SH3KBP1: variants seen among roughly 807,000 people sequenced by gnomAD.
SH3KBP1 encodes SH3 domain-containing kinase-binding protein 1.
Under a neutral mutation model 50.1 loss-of-function variants are expected in SH3KBP1, and 8 were observed. The ratio of observed to expected loss-of-function variants is 0.16; its 90% confidence interval spans 0.09 to 0.29. The LOEUF (loss-of-function observed/expected upper bound fraction) is 0.29. Ranked by LOEUF, SH3KBP1 falls within the 10% of genes least tolerant of loss-of-function variation. The pLI is 1.00. For missense variants in SH3KBP1, 377 were observed against 535.2 expected, an observed-to-expected ratio of 0.70 and a Z score of 2.92; for synonymous variants, 227 against 218.6, an observed-to-expected ratio of 1.04 and a Z score of -0.34.
chrX:19,753,034 TTC>T (rs1286898476), intron 2 of SH3KBP1, among the ~76,000 whole-genome samples: 1 of 111,782 alleles, frequency 8.9e-6, no homozygotes, highest in Non-Finnish European at 1.9e-5. Flanking sequence ...CTTGCCAGAT[TTC>T]TCTCTCTCCT....
At chrX:19,565,445 A>G (rs2065816591) in intron 13 of SH3KBP1, among the ~76,000 whole-genome samples, 1 of 111,676 alleles carries the variant, frequency 9.0e-6, no homozygotes, top group Non-Finnish European at 1.9e-5. Flanking sequence ...CTGTAAAAAC[A>G]TGAGTCATTA....
chrX:19,690,295 T>G (rs928423495), intron 5 of SH3KBP1, among the ~76,000 whole-genome samples: 7 of 111,031 alleles, frequency 6.3e-5, no homozygotes, highest in African/African-American at 2.3e-4. Context: ...TGGGTTCAAG[T>G]GATCCTCCCA....
chrX:19,820,860 C>CT (rs778340461), intron 2 of SH3KBP1, among the ~76,000 whole-genome samples: 41 of 110,976 alleles, frequency 3.7e-4, no homozygotes, highest in Admixed American at 3.5e-3. Context: ...TACAGTTATA[C>CT]TTTTAGTGAT....
At chrX:19,629,767 G>A (rs1278599022) in intron 8 of SH3KBP1, among the ~76,000 whole-genome samples, 1 of 112,396 alleles carries the variant, frequency 8.9e-6, no homozygotes, top group African/African-American at 3.2e-5. Context: ...CAGCAGAGAT[G>A]ACAACGTCAT....
intron 13 of SH3KBP1, among the ~76,000 whole-genome samples, chrX:19,557,795 G>A (rs2147739280): frequency 8.9e-6 from 1 of 111,986 alleles, no homozygotes; most frequent in African/African-American, 3.2e-5. Context: ...GTGGAAAATA[G>A]CCACATTCCC....
At chrX:19,541,072 G>A (rs1400239187) in intron 16 of SH3KBP1, among the ~76,000 whole-genome samples, 1 of 111,018 alleles carries the variant, frequency 9.0e-6, no homozygotes, top group Non-Finnish European at 1.9e-5. Context: ...ACGCCACCAC[G>A]CCCAACTAAT....
intron 2 of SH3KBP1, among the ~76,000 whole-genome samples, chrX:19,799,308 C>G (rs988827307): frequency 9.0e-6 from 1 of 111,268 alleles, no homozygotes; most frequent in African/African-American, 3.3e-5. Context: ...ACCTGGCTGT[C>G]GATAGTGATC....
At chrX:19,725,453 A>G (rs1360659556) in intron 3 of SH3KBP1, among the ~76,000 whole-genome samples, 1 of 111,137 alleles carries the variant, frequency 9.0e-6, no homozygotes, top group Non-Finnish European at 1.9e-5. Flanking sequence ...CCTCAGTGAC[A>G]GAGTGAGACC....
At chrX:19,594,840 A>G in intron 10 of SH3KBP1, 109 bp downstream of exon 10, 2 of 582,048 alleles carry the variant, frequency 3.4e-6, no homozygotes, top group Non-Finnish European at 5.8e-6. Context: ...CCAAGTAGTC[A>G]ATCTATGGCA....
chrX:19,752,928 G>A (rs1326764579), intron 2 of SH3KBP1, among the ~76,000 whole-genome samples: 1 of 111,729 alleles, frequency 9.0e-6, no homozygotes, highest in Non-Finnish European at 1.9e-5. Context: ...TGGAGTAGGT[G>A]AGCCATGCGT....
At chrX:19,629,375 T>C (rs5955569) in intron 8 of SH3KBP1, among the ~76,000 whole-genome samples, 4,322 of 109,572 alleles carry the variant, frequency 0.039, 203 homozygotes, top group African/African-American at 0.13. Flanking sequence ...TGCAGAAGGG[T>C]AAGTGAGCAC....
chrX:19,649,679 T>C (rs139184042), intron 6 of SH3KBP1, among the ~76,000 whole-genome samples: 47 of 112,174 alleles, frequency 4.2e-4, no homozygotes, highest in African/African-American at 1.5e-3. Context: ...AGGATTTTCG[T>C]GTACAGTGGG....
chrX:19,678,283 G>A (rs1249773502), intron 6 of SH3KBP1, among the ~76,000 whole-genome samples: 1 of 109,783 alleles, frequency 9.1e-6, no homozygotes, highest in African/African-American at 3.3e-5. Flanking sequence ...TCATGAATTA[G>A]AAAGGTACCA....
intron 12 of SH3KBP1, among the ~76,000 whole-genome samples, chrX:19,572,861 G>A (rs954949363): frequency 8.9e-6 from 1 of 111,846 alleles, no homozygotes; most frequent in Non-Finnish European, 1.9e-5. Flanking sequence ...GACAAAGGCA[G>A]GTTAAAAACA....
chrX:19,708,804 C>T (rs773804656), intron 3 of SH3KBP1, among the ~76,000 whole-genome samples: 5 of 111,747 alleles, frequency 4.5e-5, no homozygotes, highest in African/African-American at 1.3e-4. Flanking sequence ...AAAGCAAACT[C>T]TGCAGACACA....
intron 1 of SH3KBP1, among the ~76,000 whole-genome samples, chrX:19,865,980 C>T (rs2068895803): frequency 8.9e-6 from 1 of 111,944 alleles, no homozygotes; most frequent in African/African-American, 3.3e-5. Context: ...GCAATTACTC[C>T]CTAGGGAGGA....
chrX:19,608,228 T>C (rs1309071889), intron 8 of SH3KBP1, among the ~76,000 whole-genome samples, 183 bp from the exon 9 acceptor site: 1 of 111,458 alleles, frequency 9.0e-6, no homozygotes, highest in Non-Finnish European at 1.9e-5. Context: ...CGCTTAACAA[T>C]GTCGGCTGGT....
At chrX:19,853,138 G>T (rs756032011) in intron 1 of SH3KBP1, among the ~76,000 whole-genome samples, 1 of 112,927 alleles carries the variant, frequency 8.9e-6, no homozygotes, top group East Asian at 2.8e-4. Flanking sequence ...CTGTGTATGT[G>T]TGTGTATGTG....
intron 7 of SH3KBP1, among the ~76,000 whole-genome samples, chrX:19,636,829 G>A (rs753285613): frequency 1.8e-5 from 2 of 112,227 alleles, no homozygotes; most frequent in South Asian, 7.3e-4. Flanking sequence ...CAGTTTTAGG[G>A]TATAAAGATC....
Sources: allele counts gnomAD v4.1 joint callset (sites outside exome capture counted in the v4.1 genomes callset), GRCh38; gene constraint gnomAD v4.1.1; transcripts MANE v1.5; gene names NCBI Gene and HGNC (gene_info 2026-07-23, HGNC 2026-07-21).